The following PADI3 variants were observed in gnomAD, a reference collection of about 807,000 sequenced individuals.
The protein encoded by PADI3 is peptidyl arginine deiminase 3, also known as protein-arginine deiminase type-3.
Under a neutral mutation model 71.5 loss-of-function variants are expected in PADI3, and 53 were observed. That is an observed-to-expected ratio of 0.74 (90% CI 0.59 to 0.93). The LOEUF (loss-of-function observed/expected upper bound fraction) is 0.93, where lower values mean the gene tolerates loss of function less well. Ranked by LOEUF, PADI3 falls within the 40% of genes least tolerant of loss-of-function variation. The pLI, the probability that PADI3 is intolerant of heterozygous loss-of-function variation, is 0.00. For missense variants in PADI3, 821 were observed against 868.0 expected (o/e 0.95, Z 0.68); for synonymous variants, 361 against 347.5 (o/e 1.04, Z -0.43).
intron 1 of PADI3, among the ~76,000 whole-genome samples, chr1:17,253,671 A>C (rs1376482892): frequency 6.6e-6 from 1 of 152,212 alleles, no homozygotes; most frequent in Non-Finnish European, 1.5e-5. Context: ...CCAGCACCCT[A>C]GGTTTTCAGG....
At chr1:17,276,392 A>G (rs1306729021) in intron 11 of PADI3, 127 bp from the exon 12 acceptor site, 6 of 809,392 alleles carry the variant, frequency 7.4e-6, no homozygotes, top group Non-Finnish European at 1.2e-5. Flanking sequence ...TCCTGTTTAT[A>G]AAAGTAATGC....
At chr1:17,249,582 G>A (rs2072940832) in intron 1 of PADI3, among the ~76,000 whole-genome samples, 1 of 152,206 alleles carries the variant, frequency 6.6e-6, no homozygotes, top group Non-Finnish European at 1.5e-5. Context: ...AATAGGAACA[G>A]GCAGATATCC....
At position 17,265,708 on chromosome 1, in the gene PADI3, C is replaced by A. The variant is rs527778219; in HGVS notation, c.396C>A (p.Asn132Lys). Residue 132 changes from asparagine (N) to lysine (K), a missense_variant, in exon 4 of 16, where the codon AAC (asparagine) becomes AAA (lysine). Coordinates refer to ENST00000375460, the MANE Select transcript of PADI3 (RefSeq NM_016233.2). ...DLNCEGRQDR[N>K]FVDKRQWVWG... is the part of the protein sequence containing the mutation. ...ACTGTGAGGGAAGGCAGGACAGGAA[C>A]TTTGTAGACAAGGTAAGCATCTCTG... 2.0e-5 allele frequency: 33 copies of A among 1,613,978 alleles called. No individual in the cohort carries two copies. Among genetic ancestry groups the A allele is most frequent in the Non-Finnish European group, 2.7e-5 (32 of 1,179,970 alleles).
At chr1:17,278,813 G>C (rs559157888) in intron 13 of PADI3, among the ~76,000 whole-genome samples, 2 of 151,972 alleles carry the variant, frequency 1.3e-5, no homozygotes, top group Admixed American at 6.6e-5. Context: ...AGCTCAGAGA[G>C]AAAAAAAGCT....
At chr1:17,256,004 G>A (rs2073022636) in intron 1 of PADI3, among the ~76,000 whole-genome samples, 1 of 152,116 alleles carries the variant, frequency 6.6e-6, no homozygotes, top group Non-Finnish European at 1.5e-5. Flanking sequence ...ATTACATAGG[G>A]ATGAAATGAA....
chr1:17,268,882 C>A (rs1392326993), intron 6 of PADI3, among the ~76,000 whole-genome samples: 1 of 141,520 alleles, frequency 7.1e-6, no homozygotes, highest in Non-Finnish European at 1.5e-5. Flanking sequence ...GTCTCTAAAT[C>A]TGACTTTTTT....
At chr1:17,275,436 CAAAAAAAA>C (rs10617336) in intron 11 of PADI3, among the ~76,000 whole-genome samples, 22 of 89,466 alleles carry the variant, frequency 2.5e-4, no homozygotes, top group Non-Finnish European at 3.6e-4. Context: ...GACTCCGTCT[CAAAAAAAA>C]AAAAAAAAAA....
intron 6 of PADI3, among the ~76,000 whole-genome samples, chr1:17,269,119 A>G (rs1468794031): frequency 6.6e-6 from 1 of 151,600 alleles, no homozygotes; most frequent in Non-Finnish European, 1.5e-5. Flanking sequence ...TCCTGGGCTC[A>G]AGCAATCCAC....
chr1:17,279,241 C>T (rs115133163), intron 13 of PADI3, among the ~76,000 whole-genome samples: 2,700 of 152,288 alleles, frequency 0.018, 96 homozygotes, highest in African/African-American at 0.062. Context: ...TACATAGACA[C>T]AGAGGCCAGA....
intron 1 of PADI3, among the ~76,000 whole-genome samples, chr1:17,250,211 T>C (rs2977229): frequency 0.28 from 42,693 of 151,976 alleles, 6,106 homozygotes; most frequent in South Asian, 0.34. Context: ...GGGACAGCTC[T>C]CACCTCTCAA....
Position 17,280,703 on chromosome 1 carries a change from G to T in PADI3, c.1668G>T (p.Lys556Asn). ...TCGACTGGAACCGTGAGGTGCTGAAGCGGGAGCTGGGCCTGGCAGAGTGTG... is the reference window on the plus strand; with the variant it reads ...TCGACTGGAACCGTGAGGTGCTGAATCGGGAGCTGGGCCTGGCAGAGTGTG... ...SCIDWNREVL[K>N]RELGLAECDI... The change falls in exon 15 of 16, where the codon AAG becomes AAT. Residue 556 changes from lysine to asparagine, a missense_variant. Transcript: ENST00000375460. The T allele has an allele frequency of 6.2e-7, 1 of 1,614,176 alleles. No homozygotes were observed. The highest frequency in any genetic ancestry group is 8.5e-7 in the Non-Finnish European group (1 of 1,180,034).
intron 2 of PADI3, among the ~76,000 whole-genome samples, chr1:17,260,807 C>T (rs1167188170): frequency 1.3e-5 from 2 of 152,154 alleles, no homozygotes; most frequent in African/African-American, 4.8e-5. Flanking sequence ...AGGACAGAGT[C>T]CCAGGGGTAG....
chr1:17,279,803 C>T (rs1013016879), intron 13 of PADI3, among the ~76,000 whole-genome samples: 3 of 152,318 alleles, frequency 2.0e-5, no homozygotes, highest in Non-Finnish European at 4.4e-5. Context: ...CTCTAGCCTC[C>T]GCTTCCCTGT....
intron 15 of PADI3, 133 bp from the exon 16 acceptor site, chr1:17,282,713 C>T (rs2073415837): frequency 7.2e-6 from 5 of 689,976 alleles, no homozygotes; most frequent in Non-Finnish European, 9.8e-6. Context: ...AGCCAGTTAC[C>T]TTCTCATTGC....
At chr1:17,275,692 G>A (rs2073321197) in intron 11 of PADI3, among the ~76,000 whole-genome samples, 1 of 152,116 alleles carries the variant, frequency 6.6e-6, no homozygotes, top group Non-Finnish European at 1.5e-5. Flanking sequence ...CTATCATATT[G>A]GTTACTTGCT....
At position 17,259,776 on chromosome 1, in the gene PADI3, G is replaced by C; in HGVS notation, c.273+18G>C. 1.9e-6 allele frequency: 3 copies of C among 1,577,860 alleles called. No homozygotes were observed. Among genetic ancestry groups the C allele is most frequent in the Non-Finnish European group, 2.6e-6 (3 of 1,157,036 alleles). On this transcript the variant is annotated intron_variant, in intron 2 of 15. Transcript: ENST00000375460. ...ACAGCCATGTGAGCTGGTCCCTGGT[G>C]GGGTGGGGAGAGGTTTCGAGGGAGG...
chr1:17,264,361 C>G (rs1443907565), intron 3 of PADI3, among the ~76,000 whole-genome samples: 1 of 148,958 alleles, frequency 6.7e-6, no homozygotes, highest in Non-Finnish European at 1.5e-5. Context: ...CACACACACA[C>G]ACGAATAATT....
intron 1 of PADI3, among the ~76,000 whole-genome samples, chr1:17,255,307 A>G (rs2073014236): frequency 1.3e-5 from 2 of 152,184 alleles, no homozygotes; most frequent in African/African-American, 4.8e-5. Flanking sequence ...CCAACTCACC[A>G]TCTTAGGCTG....
chr1:17,269,966 G>T (rs2073223900), intron 6 of PADI3, among the ~76,000 whole-genome samples: 1 of 152,136 alleles, frequency 6.6e-6, no homozygotes, highest in African/African-American at 2.4e-5. Context: ...GAATTGCTGG[G>T]CTTGGGGTAA....
Sources: gnomAD v4.1 joint callset for allele counts (sites outside exome capture counted in the v4.1 genomes callset) on GRCh38, gnomAD v4.1.1 for gene constraint, MANE v1.5 for transcripts, NCBI Gene and HGNC (gene_info 2026-07-23, HGNC 2026-07-21) for gene names.